The following PLEKHG1 variants were observed in gnomAD, a reference collection of about 807,000 sequenced individuals.
PLEKHG1 encodes pleckstrin homology and RhoGEF domain containing G1.
A neutral mutation model predicts 100.8 loss-of-function variants in PLEKHG1; 44 were observed. The ratio of observed to expected loss-of-function variants is 0.44; its 90% CI spans 0.34 to 0.56. PLEKHG1 has a LOEUF of 0.56. Ranked by LOEUF, PLEKHG1 falls within the 20% of genes least tolerant of loss-of-function variation. The probability of loss-of-function intolerance (pLI) is 0.01; values close to 1 mark genes in which losing one functional copy is unlikely to be tolerated. For missense variants in PLEKHG1, 1,545 were observed against 1,720.9 expected (o/e 0.90, Z 1.81); for synonymous variants, 640 against 662.5 (o/e 0.97, Z 0.52).
chr6:150,735,447 A>C (rs903819348), intron 2 of PLEKHG1, among the ~76,000 whole-genome samples: 7 of 152,176 alleles, frequency 4.6e-5, no homozygotes, highest in African/African-American at 1.7e-4. Context: ...TCTTCCCCCA[A>C]ATACATTCTC....
intron 3 of PLEKHG1, among the ~76,000 whole-genome samples, chr6:150,776,144 C>T (rs1046991723): frequency 1.3e-5 from 2 of 152,210 alleles, no homozygotes; most frequent in African/African-American, 4.8e-5. Flanking sequence ...TAAAAGAGAA[C>T]AGTGTTTCCT....
chr6:150,750,997 A>G (rs1783482199), intron 2 of PLEKHG1, among the ~76,000 whole-genome samples: 1 of 152,106 alleles, frequency 6.6e-6, no homozygotes. Flanking sequence ...CAAAAATTAG[A>G]TCATCCGTGT....
chr6:150,751,760 T>G (rs1337727030), intron 2 of PLEKHG1, among the ~76,000 whole-genome samples: 1 of 152,206 alleles, frequency 6.6e-6, no homozygotes, highest in Non-Finnish European at 1.5e-5. Context: ...TAAGGCCATT[T>G]GGAAGGGTGA....
intron 3 of PLEKHG1, among the ~76,000 whole-genome samples, chr6:150,675,191 A>G (rs908221843): frequency 6.6e-6 from 1 of 152,114 alleles, no homozygotes; most frequent in Non-Finnish European, 1.5e-5. Context: ...CATTTTTCCT[A>G]TATCACCTAT....
chr6:150,725,346 A>C (rs1283655326), intron 1 of PLEKHG1, among the ~76,000 whole-genome samples: 1 of 152,208 alleles, frequency 6.6e-6, no homozygotes, highest in Non-Finnish European at 1.5e-5. Flanking sequence ...AATTTTGAGA[A>C]GGGCACAGAC....
intron 14 of PLEKHG1, among the ~76,000 whole-genome samples, chr6:150,827,490 G>A (rs1755815067): frequency 6.6e-6 from 1 of 151,966 alleles, no homozygotes; most frequent in Non-Finnish European, 1.5e-5. Context: ...TGGTCAGGCT[G>A]GTCTCGAACT....
At chr6:150,756,163 C>T (rs569565049) in intron 2 of PLEKHG1, among the ~76,000 whole-genome samples, 104 of 149,210 alleles carry the variant, frequency 7.0e-4, no homozygotes, top group African/African-American at 2.3e-3. Context: ...AGGACATCTT[C>T]GTGTTTACCC....
In PLEKHG1 at chr6:150,683,770, C is replaced by T. The variant is rs117511150; in HGVS notation, c.-99+32984C>T. On this transcript the variant is annotated intron_variant, in intron 3 of 3. Coordinates refer to the PLEKHG1 transcript ENST00000367326. The surrounding 1 kb of genome is among the most constrained non-coding windows in gnomAD (Gnocchi z 4.0). ...AGGACGTCTGAAGGAAAGATGGAGCCATTCTTGGTGGGGCGGAAGAGGCAG... is the reference window on the plus strand; with the variant it reads ...AGGACGTCTGAAGGAAAGATGGAGCTATTCTTGGTGGGGCGGAAGAGGCAG... 4.2e-3 allele frequency: 5,373 copies of T among 1,287,382 alleles called. 184 individuals carry two copies. The South Asian group carries it at 0.053, about 13-fold the overall frequency. The allele number at this position is 1,287,382 out of a possible 1,614,324, so 79.7% of individuals were successfully genotyped here.
At chr6:150,655,707 CAA>C (rs775753925) in intron 3 of PLEKHG1, among the ~76,000 whole-genome samples, 395 of 38,340 alleles carry the variant, frequency 0.01, no homozygotes, top group African/African-American at 0.032. Context: ...GACTCCATCT[CAA>C]AAAAAAAAAA....
chr6:150,811,451 G>T (rs1787521526), intron 10 of PLEKHG1, among the ~76,000 whole-genome samples: 1 of 151,750 alleles, frequency 6.6e-6, no homozygotes, highest in African/African-American at 2.4e-5. Context: ...TTGTATTTTT[G>T]GTAAAGGTGT....
intron 3 of PLEKHG1, chr6:150,663,964 C>T (rs1779306359): frequency 1.3e-5 from 2 of 152,190 alleles, no homozygotes; most frequent in South Asian, 4.1e-4. Flanking sequence ...ACACTTTGTA[C>T]TGTGATAGCA....
intron 3 of PLEKHG1, among the ~76,000 whole-genome samples, chr6:150,682,473 A>T (rs1485974883): frequency 1.3e-5 from 2 of 151,972 alleles, no homozygotes; most frequent in Non-Finnish European, 2.9e-5. Flanking sequence ...GCTTGGGGAA[A>T]GGGCAGTGAA....
upstream of PLEKHG1, among the ~76,000 whole-genome samples, chr6:150,718,941 G>T (rs1458474339): frequency 6.6e-6 from 1 of 151,760 alleles, no homozygotes; most frequent in Non-Finnish European, 1.5e-5. Context: ...CTCTGAAAAA[G>T]CTTAATATTT....
intron 3 of PLEKHG1, among the ~76,000 whole-genome samples, chr6:150,773,729 T>C: frequency 6.6e-6 from 1 of 152,344 alleles, no homozygotes; most frequent in East Asian, 1.9e-4. Context: ...GTCATTTCTT[T>C]GAACTACTCT....
chr6:150,751,801 A>G (rs910667630), intron 2 of PLEKHG1, among the ~76,000 whole-genome samples: 1 of 152,152 alleles, frequency 6.6e-6, no homozygotes, highest in African/African-American at 2.4e-5. Context: ...GGTAGTTTTT[A>G]CTTGTGAATT....
chr6:150,682,967 G>A (rs553329711), intron 3 of PLEKHG1, among the ~76,000 whole-genome samples: 2 of 152,182 alleles, frequency 1.3e-5, no homozygotes, highest in South Asian at 2.1e-4. Flanking sequence ...CCTCCCTGAC[G>A]TTATAGTAGG....
chr6:150,620,447 T>TC (rs1228993034), intron 1 of PLEKHG1, among the ~76,000 whole-genome samples: 1 of 152,202 alleles, frequency 6.6e-6, no homozygotes, highest in East Asian at 1.9e-4. Context: ...CTGTCCTTTG[T>TC]CCCCCCAGAC....
intron 1 of PLEKHG1, among the ~76,000 whole-genome samples, chr6:150,612,055 C>CTT (rs1396144713): frequency 1.9e-5 from 2 of 104,812 alleles, no homozygotes; most frequent in African/African-American, 6.3e-5. Flanking sequence ...TCCCCCCCCC[C>CTT]CCCCCTTTTC....
intron 2 of PLEKHG1, among the ~76,000 whole-genome samples, chr6:150,648,649 C>T (rs1176629305): frequency 6.6e-6 from 1 of 152,124 alleles, no homozygotes; most frequent in African/African-American, 2.4e-5. Flanking sequence ...TCTTCCTTTT[C>T]TCTCTTTGTA....
Sources: gnomAD v4.1 joint callset for allele counts (sites outside exome capture counted in the v4.1 genomes callset) on GRCh38, gnomAD v4.1.1 for gene constraint, Gnocchi (gnomAD v3.1) non-coding constraint, MANE v1.5 for transcripts, NCBI Gene and HGNC (gene_info 2026-07-23, HGNC 2026-07-21) for gene names.